Variants in SEMA3G observed in about 807,000 individuals in gnomAD.
The protein encoded by SEMA3G is semaphorin-3G.
Under a neutral mutation model 86.2 loss-of-function variants are expected in SEMA3G, and 70 were observed. The observed-to-expected ratio is 0.81, with a 90% CI of 0.67 to 0.99. The LOEUF is 0.99. SEMA3G is among the 50% of genes least tolerant of loss of function. The pLI is 0.00. For synonymous variants in SEMA3G, 416 were observed against 441.4 expected, an observed-to-expected ratio of 0.94 and a Z score of 0.72; for missense variants, 1,002 against 1,072.4, an observed-to-expected ratio of 0.93 and a Z score of 0.92.
Position 52,438,146 on chromosome 3 carries a change from T to G in SEMA3G, c.1563A>C (p.Gln521His), listed in dbSNP as rs775913988. 3.1e-6 allele frequency: 5 copies of G among 1,613,144 alleles called. No homozygotes were observed. Among genetic ancestry groups the G allele is most frequent in the Admixed American group, 1.7e-5 (1 of 60,012 alleles). The part of the protein sequence containing the change: ...RLGVAQLRLH[Q>H]CETYGTACAE... ...CACAGGCAGTGCCGTAAGTCTCACA[T>G]TGGTGCAGCCGCAGCTGGGCCACAC... is the stretch of plus-strand genomic sequence containing the variant. Residue 521 changes from glutamine to histidine, a missense_variant, in exon 14 of 16, where the codon CAA (glutamine) becomes CAC (histidine). By Grantham distance (24) the Gln-to-His change is conservative. Transcript: ENST00000231721.
intron 6 of SEMA3G, 39 bp from the exon 7 acceptor site, chr3:52,441,448 C>T (rs774883353): frequency 6.2e-7 from 1 of 1,608,676 alleles, no homozygotes; most frequent in South Asian, 1.1e-5. Flanking sequence ...GGAGGGGCCC[C>T]ACAGGGGAGG....
At chr3:52,437,000 G>T (rs531652479) in intron 15 of SEMA3G, among the ~76,000 whole-genome samples, 1 of 152,224 alleles carries the variant, frequency 6.6e-6, no homozygotes, top group Admixed American at 6.5e-5. Context: ...CTTTCCGGAT[G>T]GGGGAGGAGA....
intron 7 of SEMA3G, 72 bp downstream of exon 7, chr3:52,441,192 G>A (rs530772204): frequency 7.7e-6 from 12 of 1,558,754 alleles, no homozygotes; most frequent in African/African-American, 1.4e-5. Flanking sequence ...GGCCAGGGGT[G>A]GGGGGAGAAA....
At position 52,435,960 on chromosome 3, in the gene SEMA3G, C is replaced by T; in HGVS notation, c.1992G>A (p.Gln664=). ...TCTTLEHGFS[Q]TVVRLALVVI... The stretch of plus-strand genomic sequence containing the variant: ...CCACCAGAGCCAGGCGGACCACAGT[C>T]TGGGAGAAGCCATGCTCCAGAGTGG... Residue 664 remains glutamine, a synonymous_variant, in exon 16 of 16, where the codon CAG becomes CAA. Transcript: ENST00000231721. 1 of 1,614,028 alleles carries T rather than the reference C, an allele frequency of 6.2e-7. No homozygotes were observed. The highest frequency in any genetic ancestry group is 8.5e-7 in the Non-Finnish European group (1 of 1,180,042).
At position 52,442,105 on chromosome 3, in the gene SEMA3G, A is replaced by G; in HGVS notation, c.459+80T>C. ...GGCCCCTGCCCCTCTGTCCCTACCC[A>G]GGCTCAATGGGAATGTTCAGGCAGC... On this transcript the variant is annotated intron_variant, in intron 4 of 15. Transcript: ENST00000231721. The surrounding 1 kb of genome is among the most constrained non-coding windows in gnomAD (Gnocchi z 6.1). The G allele has an allele frequency of 4.6e-6, 7 of 1,525,106 alleles. No homozygotes were observed. The highest frequency in any genetic ancestry group is 4.4e-6 in the Non-Finnish European group (5 of 1,129,854). 94.5% of individuals were successfully genotyped at this position (1,525,106 alleles called of 1,614,324 possible). A position where few individuals can be genotyped will look rare whatever the true frequency, so the allele number is the denominator to read the frequency against.
intron 14 of SEMA3G, 151 bp downstream of exon 14, chr3:52,437,820 T>C: frequency 9.0e-7 from 1 of 1,108,112 alleles, no homozygotes; most frequent in Non-Finnish European, 1.3e-6. Flanking sequence ...AAGACCCTGC[T>C]TCCATGCACT....
intron 15 of SEMA3G, among the ~76,000 whole-genome samples, chr3:52,436,519 TGCGTGTGCCCAC>T (rs1706052042): frequency 6.6e-6 from 1 of 152,256 alleles, no homozygotes; most frequent in Non-Finnish European, 1.5e-5. Context: ...ACATACAATG[TGCGTGTGCCCAC>T]GCACACATGC....
At chr3:52,437,860 G>T in intron 14 of SEMA3G, 111 bp downstream of exon 14, 1 of 1,153,080 alleles carries the variant, frequency 8.7e-7, no homozygotes, top group Non-Finnish European at 1.2e-6. Context: ...GGGAAACTGA[G>T]GACTATCCGT....
rs1349776826 is a variant in SEMA3G at position 52,435,590 on chromosome 3, C to T, written c.*13G>A. Reference sequence around the variant, plus strand: ...CCCCCAGCCCATCCTGACCACCCCTCCTCTGCCCCCTTCTACGTGGCCTCC... The same window carrying T: ...CCCCCAGCCCATCCTGACCACCCCTTCTCTGCCCCCTTCTACGTGGCCTCC... On this transcript the variant is annotated 3_prime_UTR_variant, in exon 16 of 16. Coordinates refer to ENST00000231721, the MANE Select transcript of SEMA3G (RefSeq NM_020163.3). 1.2e-6 allele frequency: 2 copies of T among 1,602,242 alleles called. No individual in the cohort carries two copies. The highest frequency in any genetic ancestry group is 1.3e-5 in the African/African-American group (1 of 74,780).
chr3:52,441,722 G>A, intron 5 of SEMA3G, 32 bp from the exon 6 acceptor site: 7 of 1,601,950 alleles, frequency 4.4e-6, no homozygotes, highest in Non-Finnish European at 6.0e-6. Flanking sequence ...AGAGTCAGGG[G>A]AGGAGGCCCA....
chr3:52,442,578 C>A lies in SEMA3G; in HGVS notation c.320G>T (p.Arg107Leu). Residue 107 changes from arginine (R) to leucine (L), a missense_variant, in exon 3 of 16, where the codon CGA becomes CTA. Transcript: ENST00000231721. This position sits in a 1 kb window ranked among gnomAD's most constrained non-coding sequence, Gnocchi z 6.1. ...ACTCACCAAAGGATCTCTTCCCTTT[C>A]GAACACACTCCTCCCTCTGTCCTGG... ...PQPGQREECV[R>L]KGRDPLTECA... is the part of the protein sequence containing the mutation. The A allele has an allele frequency of 1.2e-6, 2 of 1,614,126 alleles. No homozygotes were observed. Among genetic ancestry groups the A allele is most frequent in the Middle Eastern group, 1.6e-4 (1 of 6,062 alleles).
chr3:52,439,914 C>T lies in SEMA3G; in HGVS notation c.1328G>A (p.Arg443His), dbSNP rs199949304. 504 of 1,613,688 alleles carry T rather than the reference C, an allele frequency of 3.1e-4. No homozygotes were observed. The highest frequency in any genetic ancestry group is 3.8e-4 in the Non-Finnish European group (449 of 1,179,988). Reference protein sequence around the residue: ...AQQLHQIVVDRVEAEDGTYDV... With the variant: ...AQQLHQIVVDHVEAEDGTYDV... ...GTAGGTCCCATCCTCTGCCTCCACG[C>T]GGTCCACCACGATCTGGTGTAGCTG... The change falls in exon 11 of 16, where the codon CGC becomes CAC. Residue 443 changes from arginine (R) to histidine (H), a missense_variant. Transcript: ENST00000231721.
Position 52,435,882 on chromosome 3 carries a change from C to G in SEMA3G, c.2070G>C (p.Glu690Asp). ...DNLFPPEPKP[E>D]EPPARGGLAS... Reference sequence around the variant, plus strand: ...CCAGGCCTCCCCGGGCTGGGGGCTCCTCTGGCTTTGGCTCCGGAGGGAACA... The same window carrying G: ...CCAGGCCTCCCCGGGCTGGGGGCTCGTCTGGCTTTGGCTCCGGAGGGAACA... Residue 690 changes from glutamate to aspartate, a missense_variant, in exon 16 of 16, where the codon GAG becomes GAC. By Grantham distance (45) the Glu-to-Asp change is conservative (BLOSUM62 2). Transcript: ENST00000231721. 6.2e-7 allele frequency: 1 copy of G among 1,614,092 alleles called. No homozygotes were observed. The highest frequency in any genetic ancestry group is 1.1e-5 in the South Asian group (1 of 91,084).
chr3:52,437,418 C>A, intron 15 of SEMA3G, 109 bp downstream of exon 15: 4 of 1,247,182 alleles, frequency 3.2e-6, no homozygotes, highest in Non-Finnish European at 4.4e-6. Flanking sequence ...TTAGGTTAAT[C>A]TTGGCAGATT....
rs1235054468 is a variant in SEMA3G at position 52,436,057 on chromosome 3, C to T, written c.1895G>A (p.Arg632Gln). The T allele has an allele frequency of 8.7e-6, 14 of 1,609,324 alleles. No homozygotes were observed. Among genetic ancestry groups the T allele is most frequent in the African/African-American group, 1.3e-5 (1 of 75,022 alleles). The change falls in exon 16 of 16, where the codon CGA (arginine) becomes CAA (glutamine). Residue 632 changes from arginine (R) to glutamine (Q), a missense_variant. Transcript: ENST00000231721. Reference sequence around the variant, plus strand: ...CAGCCCCCGCTCCGTGTGCAAGACTCGCTCGTCCGTCTTCACCTGCCATGC... The same window carrying T: ...CAGCCCCCGCTCCGTGTGCAAGACTTGCTCGTCCGTCTTCACCTGCCATGC... ...EGPDQVKTDE[R>Q]VLHTERGLLF...
rs755959847 is a variant in SEMA3G, at chr3:52,442,140, A to G, written c.459+45T>C. ...GGAATGTTCAGGCAGCAGGGAGGAA[A>G]TGTCACTGCCTCCCAGTCCCTTGTG... On this transcript the variant is annotated intron_variant, in intron 4 of 15. Coordinates refer to ENST00000231721, the MANE Select transcript of SEMA3G (RefSeq NM_020163.3). This position sits in a 1 kb window ranked among gnomAD's most constrained non-coding sequence, Gnocchi z 6.1. 6.3e-7 allele frequency: 1 copy of G among 1,585,992 alleles called. No individual in the cohort carries two copies. Among genetic ancestry groups the G allele is most frequent in the Non-Finnish European group, 8.6e-7 (1 of 1,163,694 alleles).
chr3:52,441,058 A>G lies in SEMA3G; in HGVS notation c.814-10T>C, dbSNP rs2153229670. On this transcript the variant is annotated splice_polypyrimidine_tract_variant and intron_variant, in intron 7 of 15. Transcript: ENST00000231721. ...GGCCCCCAGCATCATTCTGCAGGAT[A>G]AGGGGCCAGAGTCACGCTTGGGCCC... The G allele has an allele frequency of 6.3e-7, 1 of 1,584,660 alleles. No homozygotes were observed. The highest frequency in any genetic ancestry group is 8.5e-7 in the Non-Finnish European group (1 of 1,170,642).
Position 52,438,048 on chromosome 3 carries a change from A to G in SEMA3G, c.1661T>C (p.Leu554Pro). The change falls in exon 14 of 16, where the codon CTT becomes CCT. Residue 554 changes from leucine (L) to proline (P), a missense_variant. Leu to Pro is a moderately conservative substitution (Grantham distance 98). Transcript: ENST00000231721. ...GASCTHYRPSLGKRRFRRQDI... is the reference protein window; with the variant it reads ...GASCTHYRPSPGKRRFRRQDI... ...CTGCCGGCGGAACCGGCGCTTGCCA[A>G]GGCTGGGGCGGTAGTGGGTACAGGA... 6.2e-7 allele frequency: 1 copy of G among 1,613,204 alleles called. No individual in the cohort carries two copies. Among genetic ancestry groups the G allele is most frequent in the East Asian group, 2.2e-5 (1 of 44,880 alleles).
chr3:52,443,074 G>A (rs1408051273), intron 1 of SEMA3G, 167 bp from the exon 2 acceptor site: 2 of 1,530,256 alleles, frequency 1.3e-6, no homozygotes, highest in Non-Finnish European at 1.7e-6. Context: ...TGGCTCCTGG[G>A]GACAGGTGGG....
Sources: allele counts gnomAD v4.1 joint callset (sites outside exome capture counted in the v4.1 genomes callset), GRCh38; gene constraint gnomAD v4.1.1; non-coding constraint Gnocchi (gnomAD v3.1); transcripts MANE v1.5; gene names NCBI Gene and HGNC (gene_info 2026-07-23, HGNC 2026-07-21).